The following TMTC1 variants were observed in gnomAD, a reference collection of about 807,000 sequenced individuals.
TMTC1 encodes transmembrane O-mannosyltransferase targeting cadherins 1.
A neutral mutation model predicts 104.8 loss-of-function variants in TMTC1; 73 were observed. The observed-to-expected ratio is 0.70, with a 90% CI of 0.58 to 0.85. TMTC1 has a LOEUF of 0.85. TMTC1 is among the 40% of genes least tolerant of loss of function. The probability of loss-of-function intolerance (pLI) is 0.00; values close to 1 mark genes in which losing one functional copy is unlikely to be tolerated. For missense variants in TMTC1, 1,035 were observed against 1,096.1 expected (o/e 0.94, Z 0.79); for synonymous variants, 434 against 428.7 (o/e 1.01, Z -0.15).
At chr12:29,739,089 A>C (rs1942757777) in intron 5 of TMTC1, among the ~76,000 whole-genome samples, 1 of 152,184 alleles carries the variant, frequency 6.6e-6, no homozygotes, top group Admixed American at 6.5e-5. Flanking sequence ...CATATGTTGC[A>C]TCAGGCCTCG....
intron 1 of TMTC1, among the ~76,000 whole-genome samples, chr12:29,773,699 T>A (rs926969197): frequency 3.3e-5 from 5 of 152,114 alleles, no homozygotes; most frequent in African/African-American, 1.2e-4. Flanking sequence ...AGGGACAATA[T>A]GATTAATAAG....
intron 11 of TMTC1, among the ~76,000 whole-genome samples, chr12:29,529,041 G>C (rs1164493593): frequency 6.6e-6 from 1 of 151,678 alleles, no homozygotes; most frequent in Non-Finnish European, 1.5e-5. Flanking sequence ...CATATATTTG[G>C]TTGGAATATA....
At chr12:29,668,836 C>T (rs565978197) in intron 5 of TMTC1, among the ~76,000 whole-genome samples, 1 of 152,300 alleles carries the variant, frequency 6.6e-6, no homozygotes. Context: ...ACAATGAAGG[C>T]TTTTCATACA....
At chr12:29,509,117 G>A (rs373449024) in intron 17 of TMTC1, among the ~76,000 whole-genome samples, 12 of 152,180 alleles carry the variant, frequency 7.9e-5, no homozygotes, top group East Asian at 1.9e-4. Context: ...CTACTGCCTC[G>A]GACAGGGCAG....
rs1943967614 is a variant in TMTC1, at chr12:29,515,768, T to TG, written c.2307+580_2307+581insC. ...AGGGCAGTGACTTTTTTTTTTTTTTTTCATACCACTTTATTTCTGATGCCT... is the reference window on the plus strand; with the variant it reads ...AGGGCAGTGACTTTTTTTTTTTTTTTGTCATACCACTTTATTTCTGATGCCT... On this transcript the variant is annotated intron_variant, in intron 15 of 17. Coordinates refer to ENST00000539277, the MANE Select transcript of TMTC1 (RefSeq NM_001193451.2). Among the ~76,000 whole-genome samples, 3 of 151,536 alleles carry TG rather than the reference T, an allele frequency of 2.0e-5. No homozygotes were observed. In the South Asian group the frequency reaches 6.3e-4, roughly 32 times the overall value.
At chr12:29,530,379 CT>C (rs781090774) in intron 11 of TMTC1, among the ~76,000 whole-genome samples, 1 of 152,154 alleles carries the variant, frequency 6.6e-6, no homozygotes, top group Non-Finnish European at 1.5e-5. Flanking sequence ...GCAGAGCTCC[CT>C]TCCCCTTTTA....
At chr12:29,710,254 A>G (rs1941864010) in intron 5 of TMTC1, among the ~76,000 whole-genome samples, 1 of 152,074 alleles carries the variant, frequency 6.6e-6, no homozygotes, top group African/African-American at 2.4e-5. Context: ...GGTCTGCAGG[A>G]AATCTCCAGG....
intron 8 of TMTC1, among the ~76,000 whole-genome samples, chr12:29,573,673 G>A (rs532950965): frequency 1.3e-5 from 2 of 152,328 alleles, no homozygotes; most frequent in South Asian, 4.1e-4. Flanking sequence ...TTAGCCTCTG[G>A]AGGAAGAGGC....
intron 11 of TMTC1, among the ~76,000 whole-genome samples, chr12:29,523,037 G>C (rs3850964): frequency 0.45 from 68,751 of 151,996 alleles, 16,720 homozygotes; most frequent in Admixed American, 0.58. Flanking sequence ...GAATTGGGGA[G>C]CCCTGAATAA....
At chr12:29,611,994 A>G in intron 6 of TMTC1, among the ~76,000 whole-genome samples, 1 of 152,214 alleles carries the variant, frequency 6.6e-6, no homozygotes, top group Admixed American at 6.5e-5. Context: ...ATTGAGGGCC[A>G]GAGAGCATGA....
intron 5 of TMTC1, among the ~76,000 whole-genome samples, chr12:29,663,878 T>G (rs994890710): frequency 6.6e-6 from 1 of 152,090 alleles, no homozygotes; most frequent in African/African-American, 2.4e-5. Flanking sequence ...GAGTCATATT[T>G]GTAAAGTGTC....
At chr12:29,668,888 T>A (rs1302046252) in intron 5 of TMTC1, among the ~76,000 whole-genome samples, 2 of 152,226 alleles carry the variant, frequency 1.3e-5, no homozygotes, top group African/African-American at 4.8e-5. Flanking sequence ...AAAGTCCTTT[T>A]AATAAGCACG....
intron 6 of TMTC1, among the ~76,000 whole-genome samples, chr12:29,606,554 G>A (rs1256075253): frequency 6.6e-6 from 1 of 152,046 alleles, no homozygotes; most frequent in African/African-American, 2.4e-5. Context: ...TTCATGCTTC[G>A]AAAGCTAAAA....
intron 5 of TMTC1, among the ~76,000 whole-genome samples, chr12:29,714,247 C>G (rs922321014): frequency 6.6e-6 from 1 of 152,184 alleles, no homozygotes; most frequent in Non-Finnish European, 1.5e-5. Flanking sequence ...AAATAGTGGC[C>G]AGCGCAGCTT....
At chr12:29,738,795 C>A (rs778795363) in intron 5 of TMTC1, among the ~76,000 whole-genome samples, 2 of 152,136 alleles carry the variant, frequency 1.3e-5, no homozygotes, top group Non-Finnish European at 2.9e-5. Flanking sequence ...AAGGCTCAAG[C>A]CAATTAACAT....
At chr12:29,701,440 G>T (rs769946223) in intron 5 of TMTC1, among the ~76,000 whole-genome samples, 1 of 152,132 alleles carries the variant, frequency 6.6e-6, no homozygotes, top group Non-Finnish European at 1.5e-5. Flanking sequence ...TTGGCTCCTG[G>T]ACTCTATGTC....
intron 5 of TMTC1, among the ~76,000 whole-genome samples, chr12:29,716,639 A>G (rs1942090244): frequency 6.6e-6 from 1 of 152,150 alleles, no homozygotes; most frequent in African/African-American, 2.4e-5. Flanking sequence ...ATGAAAACAT[A>G]AAATTGTATA....
At chr12:29,620,414 G>T (rs186555435) in intron 6 of TMTC1, among the ~76,000 whole-genome samples, 1 of 152,322 alleles carries the variant, frequency 6.6e-6, no homozygotes, top group Admixed American at 6.5e-5. Context: ...CCAACACAGA[G>T]GGGACTGGCT....
chr12:29,735,646 T>C (rs1291731909), intron 5 of TMTC1, among the ~76,000 whole-genome samples: 1 of 152,202 alleles, frequency 6.6e-6, no homozygotes, highest in Non-Finnish European at 1.5e-5. Flanking sequence ...TTTCATAAAA[T>C]ACTCTAGCAT....
Sources: allele counts gnomAD v4.1 joint callset (sites outside exome capture counted in the v4.1 genomes callset), GRCh38; gene constraint gnomAD v4.1.1; transcripts MANE v1.5; gene names NCBI Gene and HGNC (gene_info 2026-07-23, HGNC 2026-07-21).